ZNF441: variants seen among roughly 807,000 people sequenced by gnomAD.
The protein encoded by ZNF441 is zinc finger protein 441.
In ZNF441, 25 loss-of-function variants were observed where a neutral mutation model predicts 64.5. That is an observed-to-expected ratio of 0.39 (90% CI 0.28 to 0.54). The LOEUF (loss-of-function observed/expected upper bound fraction) is 0.54, where lower values mean the gene tolerates loss of function less well. Ranked by LOEUF, ZNF441 falls within the 20% of genes least tolerant of loss-of-function variation. The pLI is 0.70. For synonymous variants in ZNF441, 262 were observed against 268.0 expected (o/e 0.98, Z 0.22); for missense variants, 715 against 843.3 (o/e 0.85, Z 1.88).
chr19:11,776,885 C>T (rs1018008438), intron 1 of ZNF441, among the ~76,000 whole-genome samples: 9 of 151,884 alleles, frequency 5.9e-5, no homozygotes, highest in Admixed American at 2.6e-4. Context: ...CTCGGCTCAC[C>T]GCAACCTTCG....
intron 1 of ZNF441, among the ~76,000 whole-genome samples, chr19:11,774,778 CTAAAT>C (rs1053292163): frequency 2.6e-5 from 4 of 152,120 alleles, no homozygotes; most frequent in Non-Finnish European, 5.9e-5. Flanking sequence ...GATGGTTTAT[CTAAAT>C]TAAATTTTTT....
Position 11,777,479 on chromosome 19 carries a change from T to A in ZNF441, c.4-132T>A. ...GGATAAAATGAGTGTAAAGAGAGAA[T>A]AAGAGTGGGTTTACCATGTTCTTGA... On this transcript the variant is annotated intron_variant, in intron 1 of 3. Transcript: ENST00000357901. The A allele has an allele frequency of 4.2e-6, 4 of 955,816 alleles. No homozygotes were observed. In the South Asian group the frequency reaches 5.0e-5, roughly 12 times the overall value. 59.2% of individuals were successfully genotyped at this position (955,816 alleles called of 1,614,324 possible).
intron 1 of ZNF441, among the ~76,000 whole-genome samples, chr19:11,768,491 C>T (rs2145076146): frequency 6.6e-6 from 1 of 152,340 alleles, no homozygotes; most frequent in Non-Finnish European, 1.5e-5. Flanking sequence ...TAAGTTTCCT[C>T]TTTGGAAACG....
Position 11,767,935 on chromosome 19 carries a change from A to C in ZNF441, c.3+739A>C, listed in dbSNP as rs1020613180. Among the ~76,000 whole-genome samples, 1 of 152,176 alleles carries C rather than the reference A, an allele frequency of 6.6e-6. No individual in the cohort carries two copies. The highest frequency in any genetic ancestry group is 6.5e-5 in the Admixed American group (1 of 15,284). On this transcript the variant is annotated intron_variant, in intron 1 of 3. Transcript: ENST00000357901. This position sits in a 1 kb window ranked among gnomAD's most constrained non-coding sequence, Gnocchi z 5.1. The stretch of plus-strand genomic sequence containing the variant: ...AATATCTAACTGCAATCTCGCCTCC[A>C]GCCTGGCTCGCAGTTCTGTGAACCC...
chr19:11,770,140 C>T (rs368509485), intron 1 of ZNF441, among the ~76,000 whole-genome samples: 6 of 152,188 alleles, frequency 3.9e-5, no homozygotes, highest in African/African-American at 1.4e-4. Flanking sequence ...ACTCACAGTT[C>T]CTCATGGCTG....
At chr19:11,778,305 T>C (rs1457817457) in intron 2 of ZNF441, 25 bp from the exon 3 acceptor site, 9 of 1,428,498 alleles carry the variant, frequency 6.3e-6, no homozygotes, top group Non-Finnish European at 8.6e-6. Context: ...TAATTTATAG[T>C]CATTTTTCTG....
intron 3 of ZNF441, 123 bp downstream of exon 3, chr19:11,778,516 T>A (rs1026576647): frequency 1.3e-6 from 1 of 748,648 alleles, no homozygotes; most frequent in Non-Finnish European, 2.2e-6. Context: ...TGGAGTACAG[T>A]GGTATGATCA....
Position 11,782,142 on chromosome 19 carries a change from G to T in ZNF441, c.*236G>T. On this transcript the variant is annotated 3_prime_UTR_variant, in exon 4 of 4. Transcript: ENST00000357901. The stretch of plus-strand genomic sequence containing the variant: ...TTTGTCTAGCAAACTTTCAAAGGTG[G>T]TTATTATAACATACTAGCAATGGAC... 1 of 377,948 alleles carries T rather than the reference G, an allele frequency of 2.6e-6. No homozygotes were observed. The highest frequency in any genetic ancestry group is 6.4e-5 in the South Asian group (1 of 15,584). 23.4% of individuals were successfully genotyped at this position (377,948 alleles called of 1,614,324 possible).
chr19:11,781,635 G>A lies in ZNF441; in HGVS notation c.1811G>A (p.Arg604Lys). The part of the protein sequence containing the change: ...KGFDYPSSVQ[R>K]HERTHTGEKP... ...TTTGATTATCCCAGTTCAGTGCAAA[G>A]ACATGAAAGAACTCACACTGGAGAG... The change falls in exon 4 of 4, where the codon AGA becomes AAA. Residue 604 changes from arginine (R) to lysine (K), a missense_variant. Coordinates refer to ENST00000357901, the MANE Select transcript of ZNF441 (RefSeq NM_152355.3). 1 of 1,613,750 alleles carries A rather than the reference G, an allele frequency of 6.2e-7. No homozygotes were observed. The highest frequency in any genetic ancestry group is 1.1e-5 in the South Asian group (1 of 91,060).
At chr19:11,778,578 C>T (rs1975372220) in intron 3 of ZNF441, among the ~76,000 whole-genome samples, 185 bp downstream of exon 3, 1 of 152,172 alleles carries the variant, frequency 6.6e-6, no homozygotes, top group South Asian at 2.1e-4. Context: ...CCATTTCAAC[C>T]TCCTGAGTAG....
intron 1 of ZNF441, among the ~76,000 whole-genome samples, chr19:11,776,111 T>TA (rs1234023889): frequency 6.6e-6 from 1 of 152,148 alleles, no homozygotes; most frequent in South Asian, 2.1e-4. Flanking sequence ...ATTGATTAAA[T>TA]AAAAAAGAGA....
rs74846406 is a variant in ZNF441 at position 11,774,556 on chromosome 19, G to A, written c.4-3055G>A. On this transcript the variant is annotated intron_variant, in intron 1 of 3. Transcript: ENST00000357901. ...TGCTCACATCTGTTGAACATCTATA[G>A]AGAAATTTTCATTTTAGATGTTGTG... Among the ~76,000 whole-genome samples, 577 of 152,162 alleles carry A rather than the reference G, an allele frequency of 3.8e-3. 1 individual carries two copies. Among genetic ancestry groups the A allele is most frequent in the African/African-American group, 0.013 (548 of 41,500 alleles).
intron 1 of ZNF441, among the ~76,000 whole-genome samples, chr19:11,770,949 A>T (rs8111119): frequency 0.14 from 21,579 of 148,948 alleles, 3,250 homozygotes; most frequent in East Asian, 0.36. Context: ...AAAAAAAAAA[A>T]TTGAATGCAA....
chr19:11,781,682 T>C lies in ZNF441; in HGVS notation c.1858T>C (p.Cys620Arg). Residue 620 changes from cysteine (C) to arginine (R), a missense_variant, in exon 4 of 4, where the codon TGT becomes CGT. Cys to Arg is a radical substitution (Grantham distance 180). Coordinates refer to ENST00000357901, the MANE Select transcript of ZNF441 (RefSeq NM_152355.3). ...TGEKPYECKE[C>R]GKAFSHSSYL... ...AGAGAAACCCTATGAATGCAAGGAA[T>C]GTGGTAAAGCCTTCAGTCATTCAAG... is the stretch of plus-strand genomic sequence containing the variant. 1.2e-6 allele frequency: 2 copies of C among 1,614,138 alleles called. No individual in the cohort carries two copies. Among genetic ancestry groups the C allele is most frequent in the East Asian group, 4.5e-5 (2 of 44,874 alleles).
Position 11,767,020 on chromosome 19 carries a change from G to C in ZNF441, c.-174G>C, listed in dbSNP as rs1223860239. Reference sequence around the variant, plus strand: ...GAACTGTCAATCAGGCGCACTGACCGGAGGAGGGTGCAAGGTTCAAAGAGC... The same window carrying C: ...GAACTGTCAATCAGGCGCACTGACCCGAGGAGGGTGCAAGGTTCAAAGAGC... On this transcript the variant is annotated 5_prime_UTR_variant, in exon 1 of 4. Transcript: ENST00000357901. The surrounding 1 kb of genome is among the most constrained non-coding windows in gnomAD (Gnocchi z 5.1). The C allele has an allele frequency of 1.1e-5, 10 of 904,298 alleles. No individual in the cohort carries two copies. The highest frequency in any genetic ancestry group is 1.7e-5 in the African/African-American group (1 of 58,846). The allele number at this position is 904,298 out of a possible 1,614,324, so 56.0% of individuals were successfully genotyped here.
rs79550353 is a variant in ZNF441, at chr19:11,782,200, A to G, written c.*294A>G. On this transcript the variant is annotated 3_prime_UTR_variant, in exon 4 of 4. Coordinates refer to ENST00000357901, the MANE Select transcript of ZNF441 (RefSeq NM_152355.3). ...CTGTAAGGAATGTAGAAATGCATTT[A>G]CTAGTCCTAATTCATTTCAGTTACA... The G allele has an allele frequency of 2.9e-3, 662 of 229,072 alleles. 2 individuals are homozygous for G. The highest frequency in any genetic ancestry group is 0.014 in the African/African-American group (618 of 44,200). The allele number at this position is 229,072 out of a possible 1,614,324, so 14.2% of individuals were successfully genotyped here. A position where few individuals can be genotyped will look rare whatever the true frequency, so the allele number is the denominator to read the frequency against.
chr19:11,771,189 A>G (rs988171892), intron 1 of ZNF441, among the ~76,000 whole-genome samples: 2 of 151,976 alleles, frequency 1.3e-5, no homozygotes, highest in African/African-American at 2.4e-5. Context: ...CTCAGAAGAA[A>G]GGGGGGTTAT....
chr19:11,772,316 T>C (rs535448018), intron 1 of ZNF441, among the ~76,000 whole-genome samples: 2 of 152,212 alleles, frequency 1.3e-5, no homozygotes, highest in African/African-American at 4.8e-5. Context: ...CTTTTATCTC[T>C]TTGTCTTGTG....
Position 11,780,283 on chromosome 19 carries a change from G to A in ZNF441, c.459G>A (p.Gln153=), listed in dbSNP as rs753260332. ...AATGTGGGACAGCTTTCAGTTATCA[G>A]CCCTGCTTTCAAATACATGAAAGAC... The part of the protein sequence containing the change: ...HTQCGTAFSY[Q]PCFQIHERPQ... The change falls in exon 4 of 4, where the codon CAG becomes CAA. Residue 153 remains glutamine, a synonymous_variant. Transcript: ENST00000357901. 2.5e-6 allele frequency: 4 copies of A among 1,614,022 alleles called. No individual in the cohort carries two copies. The highest frequency in any genetic ancestry group is 1.7e-5 in the Admixed American group (1 of 59,994).
Sources: allele counts gnomAD v4.1 joint callset (sites outside exome capture counted in the v4.1 genomes callset), GRCh38; gene constraint gnomAD v4.1.1; non-coding constraint Gnocchi (gnomAD v3.1); transcripts MANE v1.5; gene names NCBI Gene and HGNC (gene_info 2026-07-23, HGNC 2026-07-21).